Variants in CSMD3 observed in about 807,000 individuals in gnomAD.
CSMD3 encodes CUB and sushi domain-containing protein 3.
In CSMD3, 177 loss-of-function variants were observed where a neutral mutation model predicts 435.2. The ratio of observed to expected loss-of-function variants is 0.41; its 90% CI spans 0.36 to 0.46. The LOEUF (loss-of-function observed/expected upper bound fraction) is 0.46, where lower values mean the gene tolerates loss of function less well. CSMD3 is among the 20% of genes least tolerant of loss of function. The pLI is 0.34. For synonymous variants in CSMD3, 1,656 were observed against 1,520.5 expected, an observed-to-expected ratio of 1.09 and a Z score of -2.07; for missense variants, 4,265 against 4,504.6, an observed-to-expected ratio of 0.95 and a Z score of 1.52.
At chr8:112,228,494 T>A (rs10087791) in intron 70 of CSMD3, among the ~76,000 whole-genome samples, 156 of 152,296 alleles carry the variant, frequency 1.0e-3, no homozygotes, top group African/African-American at 3.7e-3. Flanking sequence ...TACAATTAGG[T>A]CCATGCCAGG....
At chr8:112,460,366 A>T (rs953327620) in intron 32 of CSMD3, among the ~76,000 whole-genome samples, 1 of 152,044 alleles carries the variant, frequency 6.6e-6, no homozygotes, top group African/African-American at 2.4e-5. Flanking sequence ...AAGGAGAAGC[A>T]AAGGGGTTAA....
intron 1 of CSMD3, among the ~76,000 whole-genome samples, chr8:113,323,249 T>TAAG (rs1390543758): frequency 1.3e-5 from 2 of 152,196 alleles, no homozygotes; most frequent in African/African-American, 2.4e-5. Flanking sequence ...TATTGTTATA[T>TAAG]CCTCAAGGCT....
At chr8:112,596,184 T>C (rs1219297486) in intron 22 of CSMD3, among the ~76,000 whole-genome samples, 6 of 150,230 alleles carry the variant, frequency 4.0e-5, no homozygotes, top group Non-Finnish European at 1.5e-5. Flanking sequence ...TACCAAGCAA[T>C]TGGAAAACAA....
At chr8:112,341,363 G>GTTTTTT in intron 42 of CSMD3, 114 bp downstream of exon 42, 10 of 670,392 alleles carry the variant, frequency 1.5e-5, no homozygotes, top group Admixed American at 3.1e-5. Flanking sequence ...CTTGGCTTAA[G>GTTTTTT]TTTTTTTTTT....
intron 2 of CSMD3, among the ~76,000 whole-genome samples, chr8:113,307,718 T>G (rs2132632459): frequency 6.6e-6 from 1 of 152,164 alleles, no homozygotes; most frequent in South Asian, 2.1e-4. Flanking sequence ...ATAGACAAAA[T>G]ATTTGAACAA....
intron 20 of CSMD3, among the ~76,000 whole-genome samples, chr8:112,644,903 C>G (rs983698633): frequency 6.6e-6 from 1 of 151,986 alleles, no homozygotes; most frequent in Non-Finnish European, 1.5e-5. Context: ...TAGCAACAGC[C>G]TGGTAAAAAC....
At chr8:112,330,822 T>G (rs1386278664) in intron 45 of CSMD3, among the ~76,000 whole-genome samples, 2 of 152,094 alleles carry the variant, frequency 1.3e-5, no homozygotes, top group African/African-American at 2.4e-5. Flanking sequence ...CATGAGATAA[T>G]ACCAGCTTAG....
At chr8:112,674,531 A>C (rs1433617369) in intron 16 of CSMD3, among the ~76,000 whole-genome samples, 2 of 152,076 alleles carry the variant, frequency 1.3e-5, no homozygotes, top group Non-Finnish European at 1.5e-5. Flanking sequence ...CCCTGACGGC[A>C]CACCCTATAA....
At chr8:112,253,593 A>C (rs934273878) in intron 63 of CSMD3, among the ~76,000 whole-genome samples, 2 of 151,958 alleles carry the variant, frequency 1.3e-5, no homozygotes, top group African/African-American at 2.4e-5. Context: ...GTTTGGAATC[A>C]GTATGCACTT....
rs1826222036 is a variant in CSMD3 at position 112,352,493 on chromosome 8, T to G, written c.6178A>C (p.Ser2060Arg). The G allele has an allele frequency of 6.2e-7, 1 of 1,613,674 alleles. No individual in the cohort carries two copies. Among genetic ancestry groups the G allele is most frequent in the Non-Finnish European group, 8.5e-7 (1 of 1,179,748 alleles). ...DSCPEPQTPS[S>R]GIKIGDRYMV... ...TATCTGTCTCCAATTTTAATTCCAC[T>G]GCTAGGAGTTTGTGGTTCAGGACAG... Residue 2060 changes from serine (S) to arginine (R), a missense_variant, in exon 39 of 71, where the codon AGT becomes CGT. This residue lies in a region of CSMD3 where 3,255 missense variants were observed against 3,380.2 expected (regional missense o/e 0.96). Coordinates refer to ENST00000297405, the MANE Select transcript of CSMD3 (RefSeq NM_198123.2).
intron 11 of CSMD3, among the ~76,000 whole-genome samples, chr8:112,835,023 A>C (rs2079980910): frequency 6.6e-6 from 1 of 151,872 alleles, no homozygotes. Context: ...TCCATTGTGA[A>C]ATGGTAATTC....
In CSMD3 at chr8:112,333,669, T is replaced by TACACACAC. The variant is rs147365873; in HGVS notation, c.7165+1652_7165+1659dup. ...ATATGAATGTTCAAATTCTGTCTCATACACACACACACACACACACACACA... is the reference window on the plus strand; with the variant it reads ...ATATGAATGTTCAAATTCTGTCTCATACACACACACACACACACACACACACACACACA... On this transcript the variant is annotated intron_variant, in intron 45 of 70. Coordinates refer to ENST00000297405, the MANE Select transcript of CSMD3 (RefSeq NM_198123.2). Among the ~76,000 whole-genome samples, 1,239 of 147,844 alleles carry TACACACAC rather than the reference T, an allele frequency of 8.4e-3. 9 individuals are homozygous for TACACACAC. The highest frequency in any genetic ancestry group is 0.021 in the African/African-American group (827 of 38,666).
intron 14 of CSMD3, among the ~76,000 whole-genome samples, chr8:112,686,876 G>A (rs2076025365): frequency 6.6e-6 from 1 of 151,830 alleles, no homozygotes; most frequent in Non-Finnish European, 1.5e-5. Flanking sequence ...TTTTCAAGTC[G>A]AGTTTTTAAG....
chr8:112,981,010 A>C (rs2085031150), intron 6 of CSMD3, among the ~76,000 whole-genome samples: 1 of 151,430 alleles, frequency 6.6e-6, no homozygotes, highest in African/African-American at 2.4e-5. Context: ...TATCTTTCTG[A>C]CTAGGAGAAT....
At chr8:113,302,114 C>T (rs1034009680) in intron 2 of CSMD3, among the ~76,000 whole-genome samples, 9 of 150,528 alleles carry the variant, frequency 6.0e-5, no homozygotes, top group African/African-American at 1.5e-4. Context: ...AATTAATGAG[C>T]TGTGCTCGAA....
intron 9 of CSMD3, among the ~76,000 whole-genome samples, chr8:112,944,960 A>G (rs768084097): frequency 2.0e-5 from 3 of 151,676 alleles, no homozygotes; most frequent in Admixed American, 6.6e-5. Flanking sequence ...ATATATGCCT[A>G]TGGTTCCCTG....
intron 3 of CSMD3, among the ~76,000 whole-genome samples, chr8:113,236,399 T>A (rs1041251951): frequency 6.6e-6 from 1 of 152,134 alleles, no homozygotes; most frequent in Admixed American, 6.6e-5. Context: ...CTCAAATTCT[T>A]AGGTGCAGCA....
intron 3 of CSMD3, 109 bp from the exon 4 acceptor site, chr8:113,174,025 G>C: frequency 1.2e-6 from 1 of 826,090 alleles, no homozygotes. Context: ...TTTCTTTGGA[G>C]AAGAGTCACT....
intron 1 of CSMD3, among the ~76,000 whole-genome samples, chr8:113,328,582 A>G (rs1013017955): frequency 4.6e-5 from 7 of 152,100 alleles, no homozygotes; most frequent in Non-Finnish European, 1.0e-4. Context: ...TAACCTGGGA[A>G]AGTCACTAAG....
Sources: allele counts gnomAD v4.1 joint callset (sites outside exome capture counted in the v4.1 genomes callset), GRCh38; gene constraint gnomAD v4.1.1; regional missense constraint gnomAD v4.1.1; transcripts MANE v1.5; gene names NCBI Gene and HGNC (gene_info 2026-07-23, HGNC 2026-07-21).